Variants in ADGRB2 observed in about 807,000 individuals in gnomAD.
The protein encoded by ADGRB2 is brain-specific angiogenesis inhibitor 2.
Under a neutral mutation model 178.7 loss-of-function variants are expected in ADGRB2, and 47 were observed. The ratio of observed to expected loss-of-function variants is 0.26; its 90% CI spans 0.21 to 0.34. The LOEUF (loss-of-function observed/expected upper bound fraction) is 0.34, where lower values mean the gene tolerates loss of function less well. Among genes scored for constraint, ADGRB2 ranks in the 10% least tolerant of loss-of-function variants. ADGRB2 has a pLI of 1.00. For missense variants in ADGRB2, 1,584 were observed against 2,180.8 expected, an observed-to-expected ratio of 0.73 and a Z score of 5.45; for synonymous variants, 870 against 912.4, an observed-to-expected ratio of 0.95 and a Z score of 0.84.
At position 31,741,482 on chromosome 1, in the gene ADGRB2, G is replaced by A. The variant is rs1207094943; in HGVS notation, c.1688-3C>T. The A allele has an allele frequency of 1.3e-6, 2 of 1,587,038 alleles. No individual in the cohort carries two copies. The highest frequency in any genetic ancestry group is 1.3e-5 in the African/African-American group (1 of 74,608). ...GAGACAGCGGCGGCTGGCAGACCCTGCAGGGCAATAGGACAGAGGTCTGGG... is the reference window on the plus strand; with the variant it reads ...GAGACAGCGGCGGCTGGCAGACCCTACAGGGCAATAGGACAGAGGTCTGGG... On this transcript the variant is annotated splice_region_variant and splice_polypyrimidine_tract_variant and intron_variant, in intron 10 of 32. Coordinates refer to ENST00000373658, the MANE Select transcript of ADGRB2 (RefSeq NM_001364857.2). The surrounding 1 kb of genome is among the most constrained non-coding windows in gnomAD (Gnocchi z 6.5).
intron 27 of ADGRB2, among the ~76,000 whole-genome samples, 171 bp from the exon 28 acceptor site, chr1:31,732,325 C>T (rs1645331013): frequency 1.3e-5 from 2 of 152,276 alleles, no homozygotes; most frequent in African/African-American, 4.8e-5. Flanking sequence ...CCCAGCCCAC[C>T]TGATGGCTAG....
In ADGRB2 at chr1:31,761,382, C is replaced by T. The variant is rs1223842617; in HGVS notation, c.-191+2502G>A. ...CAAGGCAAAGGGCCCTGGGAAATTC[C>T]TGATGGTGTCTGACCTCCTGGGGTC... On this transcript the variant is annotated intron_variant, in intron 1 of 32. Coordinates refer to ENST00000373658, the MANE Select transcript of ADGRB2 (RefSeq NM_001364857.2). This position sits in a 1 kb window ranked among gnomAD's most constrained non-coding sequence, Gnocchi z 4.2. Among the ~76,000 whole-genome samples the T allele has an allele frequency of 6.6e-6, 1 of 152,236 alleles. No individual in the cohort carries two copies. The highest frequency in any genetic ancestry group is 6.5e-5 in the Admixed American group (1 of 15,288).
At chr1:31,747,790 G>A (rs1266477126) in intron 4 of ADGRB2, among the ~76,000 whole-genome samples, 2 of 152,218 alleles carry the variant, frequency 1.3e-5, no homozygotes, top group African/African-American at 2.4e-5. Context: ...TGGGGCTCAC[G>A]AGGAATGGTC....
Position 31,740,855 on chromosome 1 carries a change from T to C in ADGRB2, c.1795-314A>G, listed in dbSNP as rs2148952672. 6.6e-6 allele frequency among the ~76,000 whole-genome samples: 1 copy of C among 151,520 alleles called. No individual in the cohort carries two copies. Among genetic ancestry groups the C allele is most frequent in the East Asian group, 2.0e-4 (1 of 5,120 alleles). On this transcript the variant is annotated intron_variant, in intron 11 of 32. Coordinates refer to ENST00000373658, the MANE Select transcript of ADGRB2 (RefSeq NM_001364857.2). This position sits in a 1 kb window ranked among gnomAD's most constrained non-coding sequence, Gnocchi z 5.9. ...ACCTCCCCATCCCAAAGGGGTCATG[T>C]ACATTCTGGAGTGTAATGAGCATGT...
chr1:31,742,007 C>A (rs762681631), intron 8 of ADGRB2, 40 bp from the exon 9 acceptor site: 43 of 1,585,912 alleles, frequency 2.7e-5, no homozygotes, highest in Non-Finnish European at 3.4e-5. Context: ...CCCAGGTACC[C>A]CCATGGTCAG....
chr1:31,732,958 A>AGGCC lies in ADGRB2; in HGVS notation c.3624+10_3624+13dup. ...TGTGGTGGGCACACACAGGCGGGAG[A>AGGCC]GGCCCAGCCCCACCTCTCGGCGCAG... On this transcript the variant is annotated intron_variant, in intron 26 of 32. Transcript: ENST00000373658. 2 of 1,547,664 alleles carry AGGCC rather than the reference A, an allele frequency of 1.3e-6. No individual in the cohort carries two copies. The highest frequency in any genetic ancestry group is 1.7e-6 in the Non-Finnish European group (2 of 1,146,002).
At position 31,728,277 on chromosome 1, in the gene ADGRB2, CCTT is replaced by C; in HGVS notation, c.4417_4419del (p.Lys1473del). 6.2e-7 allele frequency: 1 copy of C among 1,613,844 alleles called. No individual in the cohort carries two copies. The highest frequency in any genetic ancestry group is 1.1e-5 in the South Asian group (1 of 91,072). ...GAATGCCGTTTCCGGGTGTGCATCACCTTCTAGGGGCCACAGGGCATCAGAGGG... is the reference window on the plus strand; with the variant it reads ...GAATGCCGTTTCCGGGTGTGCATCACCTAGGGGCCACAGGGCATCAGAGGG... On this transcript the variant is annotated inframe_deletion and splice_region_variant, in exon 31 of 33. Transcript: ENST00000373658. The surrounding 1 kb of genome is among the most constrained non-coding windows in gnomAD (Gnocchi z 6.7).
At chr1:31,746,758 G>A (rs968331168) in intron 4 of ADGRB2, among the ~76,000 whole-genome samples, 4 of 152,094 alleles carry the variant, frequency 2.6e-5, no homozygotes, top group Admixed American at 1.3e-4. Flanking sequence ...GGCCAGCCCC[G>A]TGGCCTGGGC....
At position 31,736,500 on chromosome 1, in the gene ADGRB2, C is replaced by T. The variant is rs1645614711; in HGVS notation, c.3130+73G>A. 2.5e-6 allele frequency: 4 copies of T among 1,598,574 alleles called. No individual in the cohort carries two copies. The Admixed American group carries it at 5.1e-5, about 20-fold the overall frequency. On this transcript the variant is annotated intron_variant, in intron 21 of 32. Transcript: ENST00000373658. ...CTGTGCCCAGAGAGCTGGGCCAGGG[C>T]CAAAGCTGAACCTCTCTTGCTGCCC... is the stretch of plus-strand genomic sequence containing the variant.
At chr1:31,742,681 C>T (rs1156545950) in intron 7 of ADGRB2, among the ~76,000 whole-genome samples, 157 bp downstream of exon 7, 2 of 152,122 alleles carry the variant, frequency 1.3e-5, no homozygotes, top group African/African-American at 2.4e-5. Context: ...GGGGTCACCT[C>T]GCACACAGGC....
At position 31,739,368 on chromosome 1, in the gene ADGRB2, G is replaced by A. The variant is rs2148942392; in HGVS notation, c.2435C>T (p.Ser812Phe). ...GAGTACAGCACCGATCACAAAGTAG[G>A]AGGACTCATCAGGGTCTGCTGGGAG... is the stretch of plus-strand genomic sequence containing the variant. Reference protein sequence around the residue: ...RLLPADPDESSYFVIGAVLYR... With the variant: ...RLLPADPDESFYFVIGAVLYR... Residue 812 changes from serine (S) to phenylalanine (F), a missense_variant, in exon 15 of 33, where the codon TCC becomes TTC. Transcript: ENST00000373658. 1 of 1,514,904 alleles carries A rather than the reference G, an allele frequency of 6.6e-7. No individual in the cohort carries two copies. Among genetic ancestry groups the A allele is most frequent in the East Asian group, 2.4e-5 (1 of 41,256 alleles). The allele number at this position is 1,514,904 out of a possible 1,614,324, so 93.8% of individuals were successfully genotyped here.
At position 31,737,422 on chromosome 1, in the gene ADGRB2, C is replaced by A; in HGVS notation, c.2979+7G>T. The A allele has an allele frequency of 6.2e-6, 10 of 1,612,606 alleles. No homozygotes were observed. The highest frequency in any genetic ancestry group is 8.5e-6 in the Non-Finnish European group (10 of 1,178,584). Reference sequence around the variant, plus strand: ...CACCCCTGGCAGCCCTGGAAGTCTGCACCTGCCTTGCTCAGCACCCGGGAC... The same window carrying A: ...CACCCCTGGCAGCCCTGGAAGTCTGAACCTGCCTTGCTCAGCACCCGGGAC... On this transcript the variant is annotated splice_region_variant and intron_variant, in intron 20 of 32. Transcript: ENST00000373658.
At chr1:31,757,805 G>C (rs190986583) in intron 1 of ADGRB2, among the ~76,000 whole-genome samples, 1 of 152,116 alleles carries the variant, frequency 6.6e-6, no homozygotes, top group Non-Finnish European at 1.5e-5. Flanking sequence ...TCAGCTTATG[G>C]GTCTTCCAGT....
rs573680153 is a variant in ADGRB2, at chr1:31,759,396, G to A, written c.-190-1885C>T. Reference sequence around the variant, plus strand: ...AGGATCCTCTGCGGGGTCTTCCTTTGCATGTCTGAAGCTGGATCTCCCTCC... The same window carrying A: ...AGGATCCTCTGCGGGGTCTTCCTTTACATGTCTGAAGCTGGATCTCCCTCC... On this transcript the variant is annotated intron_variant, in intron 1 of 32. Coordinates refer to ENST00000373658, the MANE Select transcript of ADGRB2 (RefSeq NM_001364857.2). The surrounding 1 kb of genome is among the most constrained non-coding windows in gnomAD (Gnocchi z 4.3). 3.2e-5 allele frequency: 25 copies of A among 779,400 alleles called. No individual in the cohort carries two copies. In the South Asian group the frequency reaches 3.2e-4, roughly 10 times the overall value. 48.3% of individuals were successfully genotyped at this position (779,400 alleles called of 1,614,324 possible). A position where few individuals can be genotyped will look rare whatever the true frequency, so the allele number is the denominator to read the frequency against.
intron 18 of ADGRB2, 40 bp from the exon 19 acceptor site, chr1:31,737,795 G>A (rs759086969): frequency 1.9e-6 from 3 of 1,574,114 alleles, no homozygotes; most frequent in African/African-American, 1.3e-5. Context: ...GTTCCTGGGA[G>A]GGGGGAGCTG....
intron 4 of ADGRB2, among the ~76,000 whole-genome samples, chr1:31,752,500 G>A (rs1646626869): frequency 6.6e-6 from 1 of 152,222 alleles, no homozygotes; most frequent in Non-Finnish European, 1.5e-5. Flanking sequence ...AGCAGGGTCT[G>A]AGCGCTGGGA....
At chr1:31,736,080 T>A (rs1645592795) in intron 22 of ADGRB2, among the ~76,000 whole-genome samples, 187 bp from the exon 23 acceptor site, 1 of 152,140 alleles carries the variant, frequency 6.6e-6, no homozygotes, top group Admixed American at 6.5e-5. Context: ...TCCAGAACAT[T>A]AGGCTCATCC....
intron 1 of ADGRB2, chr1:31,760,609 G>T (rs943816404): frequency 6.8e-6 from 1 of 147,336 alleles, no homozygotes; most frequent in Non-Finnish European, 1.5e-5. Flanking sequence ...CGGGCCGGGG[G>T]AAGGGGCGCG....
At position 31,742,133 on chromosome 1, in the gene ADGRB2, C is replaced by A; in HGVS notation, c.1337G>T (p.Cys446Phe). The A allele has an allele frequency of 6.2e-7, 1 of 1,613,602 alleles. No homozygotes were observed. Among genetic ancestry groups the A allele is most frequent in the Non-Finnish European group, 8.5e-7 (1 of 1,179,954 alleles). The change falls in exon 8 of 33, where the codon TGC becomes TTC. Residue 446 changes from cysteine to phenylalanine, a missense_variant. Physicochemically the swap from Cys to Phe is radical, Grantham distance 205. Around this residue, in one of 3 missense-constraint regions of ADGRB2, gnomAD observed 657 missense variants for 847.6 expected, o/e 0.78. Transcript: ENST00000373658. ...ANGTQQRSRK[C>F]SVAGPAWATC... ...GGCCCAGGCTGGGCCCGCCACGCTG[C>A]ACTTCCGGCTGCGCTGTTGGGTCCC... is the stretch of plus-strand genomic sequence containing the variant.
Sources: gnomAD v4.1 joint callset for allele counts (sites outside exome capture counted in the v4.1 genomes callset) on GRCh38, gnomAD v4.1.1 for gene constraint, gnomAD v4.1.1 regional missense constraint, Gnocchi (gnomAD v3.1) non-coding constraint, MANE v1.5 for transcripts, NCBI Gene and HGNC (gene_info 2026-07-23, HGNC 2026-07-21) for gene names.